Variants in VAV1 observed in about 807,000 individuals in gnomAD.
VAV1 encodes proto-oncogene vav.
A neutral mutation model predicts 128.1 loss-of-function variants in VAV1; 33 were observed. The ratio of observed to expected loss-of-function variants is 0.26; its 90% CI spans 0.20 to 0.34. VAV1 has a LOEUF of 0.34. Ranked by LOEUF, VAV1 falls within the 10% of genes least tolerant of loss-of-function variation. The probability of loss-of-function intolerance (pLI) is 1.00; values close to 1 mark genes in which losing one functional copy is unlikely to be tolerated. For synonymous variants in VAV1, 394 were observed against 409.8 expected (o/e 0.96, Z 0.47); for missense variants, 715 against 1,093.7 (o/e 0.65, Z 4.88).
At chr19:6,839,289 AG>A (rs1418718080) in intron 21 of VAV1, among the ~76,000 whole-genome samples, 1 of 151,802 alleles carries the variant, frequency 6.6e-6, no homozygotes, top group African/African-American at 2.4e-5. Flanking sequence ...CCTGGGCTCA[AG>A]CAATCCTCTC....
rs375047297 is a variant in VAV1, at chr19:6,804,746, C to T, written c.205-15956C>T. ...CCTCCTTTTTTTTTTTTTTTTGAGA[C>T]GGAGTCTTGCTCTGTCGCACAGGCT... On this transcript the variant is annotated intron_variant, in intron 1 of 26. Coordinates refer to ENST00000602142, the MANE Select transcript of VAV1 (RefSeq NM_005428.4). 6.8e-4 allele frequency among the ~76,000 whole-genome samples: 88 copies of T among 130,286 alleles called. 2 individuals carry two copies. Among genetic ancestry groups the T allele is most frequent in the East Asian group, 3.7e-3 (16 of 4,352 alleles). The allele number at this position is 130,286 out of a possible 152,430, so 85.5% of individuals were successfully genotyped here. A position where few individuals can be genotyped will look rare whatever the true frequency, so the allele number is the denominator to read the frequency against.
chr19:6,854,495 T>C (rs1005061263), intron 26 of VAV1, among the ~76,000 whole-genome samples: 1 of 152,154 alleles, frequency 6.6e-6, no homozygotes, highest in East Asian at 1.9e-4. Flanking sequence ...GGAGGATCTC[T>C]TGAGGCCACA....
chr19:6,833,900 C>A lies in VAV1; in HGVS notation c.1732-8C>A. The A allele has an allele frequency of 6.2e-7, 1 of 1,614,018 alleles. No homozygotes were observed. The highest frequency in any genetic ancestry group is 1.1e-5 in the South Asian group (1 of 91,052). On this transcript the variant is annotated splice_polypyrimidine_tract_variant and splice_region_variant and intron_variant, in intron 18 of 26. Transcript: ENST00000602142. ...AGGTAGACAGGCTTTCTTTGTTTCT[C>A]CTTCCAGGACAAACTACATCGCAGG...
At chr19:6,786,195 G>C (rs959579868) in intron 1 of VAV1, among the ~76,000 whole-genome samples, 1 of 142,024 alleles carries the variant, frequency 7.0e-6, no homozygotes, top group African/African-American at 2.8e-5. Flanking sequence ...CTGGCACATA[G>C]TACGGAATCA....
intron 1 of VAV1, among the ~76,000 whole-genome samples, chr19:6,789,906 T>C (rs1186363784): frequency 1.3e-5 from 2 of 152,212 alleles, no homozygotes; most frequent in Admixed American, 1.3e-4. Flanking sequence ...CCTTATTTTT[T>C]ATTTAATGAT....
chr19:6,813,402 A>G (rs1033687292), intron 1 of VAV1, among the ~76,000 whole-genome samples: 1 of 152,148 alleles, frequency 6.6e-6, no homozygotes, highest in Admixed American at 6.5e-5. Context: ...TGTTTCTTCC[A>G]CCCTGTTCTT....
chr19:6,849,741 C>T (rs770953265), intron 23 of VAV1, among the ~76,000 whole-genome samples: 13 of 152,156 alleles, frequency 8.5e-5, no homozygotes, highest in South Asian at 2.1e-4. Flanking sequence ...AGTGCATCCA[C>T]GCTGCTGCAA....
chr19:6,796,000 A>G (rs1011196988), intron 1 of VAV1, among the ~76,000 whole-genome samples: 4 of 152,086 alleles, frequency 2.6e-5, no homozygotes, highest in African/African-American at 9.7e-5. Context: ...TCTGAGATCA[A>G]GCCTAGATAT....
rs1323135939 is a variant in VAV1, at chr19:6,780,219, CCTCT to C, written c.204+7211_204+7214del. 4.7e-5 allele frequency among the ~76,000 whole-genome samples: 7 copies of C among 150,050 alleles called. 1 individual carries two copies. The highest frequency in any genetic ancestry group is 1.7e-4 in the African/African-American group (7 of 41,242). On this transcript the variant is annotated intron_variant, in intron 1 of 26. Transcript: ENST00000602142. ...GTGTGATCTTGGGCACATTAGTAAA[CCTCT>C]CTGTTTCCTGGTTTCTCATCTGTAA...
intron 6 of VAV1, among the ~76,000 whole-genome samples, chr19:6,823,139 T>G (rs1359889110): frequency 6.7e-6 from 1 of 149,738 alleles, no homozygotes; most frequent in African/African-American, 2.4e-5. Context: ...TCTTTTTTTT[T>G]TTTGAGACAC....
intron 6 of VAV1, among the ~76,000 whole-genome samples, chr19:6,824,005 A>G (rs12462866): frequency 0.019 from 2,813 of 150,258 alleles, 176 homozygotes; most frequent in East Asian, 0.17. Context: ...TGGCACGATC[A>G]TAGTTCACTG....
At chr19:6,773,221 G>A (rs888977655) in intron 1 of VAV1, among the ~76,000 whole-genome samples, 33 of 152,266 alleles carry the variant, frequency 2.2e-4, no homozygotes, top group Admixed American at 1.6e-3. Flanking sequence ...GTGGGTTCAC[G>A]GGCCCTGAGT....
chr19:6,823,858 C>A lies in VAV1; in HGVS notation c.655-1195C>A, dbSNP rs542564047. ...ACAGTTCAATGGTTTTTGGCACACACAAGATTATGCAGTCATCATCACTGT... is the reference window on the plus strand; with the variant it reads ...ACAGTTCAATGGTTTTTGGCACACAAAAGATTATGCAGTCATCATCACTGT... On this transcript the variant is annotated intron_variant, in intron 6 of 26. Coordinates refer to ENST00000602142, the MANE Select transcript of VAV1 (RefSeq NM_005428.4). Among the ~76,000 whole-genome samples, 10 of 152,276 alleles carry A rather than the reference C, an allele frequency of 6.6e-5. No homozygotes were observed. In the South Asian group the frequency reaches 2.1e-3, roughly 32 times the overall value.
In VAV1 at chr19:6,772,907, G is replaced by T; in HGVS notation, c.100G>T (p.Ala34Ser). ...GGATGGGGCTCAGGTGTGTGAACTGGCCCAGGCCCTCCGGGATGGTGTCCT... is the reference window on the plus strand; with the variant it reads ...GGATGGGGCTCAGGTGTGTGAACTGTCCCAGGCCCTCCGGGATGGTGTCCT... ...TWDGAQVCEL[A>S]QALRDGVLLC... is the part of the protein sequence containing the mutation. The change falls in exon 1 of 27, where the codon GCC becomes TCC. Residue 34 changes from alanine to serine, a missense_variant. By Grantham distance (99) the Ala-to-Ser change is moderately conservative. Transcript: ENST00000602142. The surrounding 1 kb of genome is among the most constrained non-coding windows in gnomAD (Gnocchi z 4.8). The T allele has an allele frequency of 6.2e-7, 1 of 1,614,150 alleles. No individual in the cohort carries two copies. The highest frequency in any genetic ancestry group is 8.5e-7 in the Non-Finnish European group (1 of 1,180,002).
intron 22 of VAV1, among the ~76,000 whole-genome samples, chr19:6,845,272 C>A (rs1972492040): frequency 6.6e-6 from 1 of 152,138 alleles, no homozygotes; most frequent in South Asian, 2.1e-4. Flanking sequence ...GTAGTCCCAG[C>A]TACTCAGGAG....
chr19:6,825,230 T>A, intron 7 of VAV1, 73 bp from the exon 8 acceptor site: 1 of 1,574,156 alleles, frequency 6.4e-7, no homozygotes. Flanking sequence ...ATGGGGCGGG[T>A]GGATGACCCT....
At chr19:6,797,230 TCAAA>T (rs1414510606) in intron 1 of VAV1, among the ~76,000 whole-genome samples, 2 of 32,652 alleles carry the variant, frequency 6.1e-5, no homozygotes, top group African/African-American at 3.8e-4. Context: ...AGACTCAGTA[TCAAA>T]AAAAAAAAAA....
rs191680931 is a variant in VAV1 at position 6,782,151 on chromosome 19, G to A, written c.204+9140G>A. On this transcript the variant is annotated intron_variant, in intron 1 of 26. Coordinates refer to ENST00000602142, the MANE Select transcript of VAV1 (RefSeq NM_005428.4). ...TCAAGACCAGCCTGTCCAACATGGC[G>A]AAAGCCCAACTCTACTACAAATACA... Among the ~76,000 whole-genome samples the A allele has an allele frequency of 2.0e-3, 300 of 152,026 alleles. 2 individuals are homozygous for A. Among genetic ancestry groups the A allele is most frequent in the South Asian group, 5.8e-3 (28 of 4,810 alleles).
chr19:6,850,225 GTTT>G (rs760967154), intron 23 of VAV1, among the ~76,000 whole-genome samples: 742 of 49,070 alleles, frequency 0.015, 18 homozygotes, highest in African/African-American at 0.08. Flanking sequence ...TTGTTTCTTT[GTTT>G]TTTTTTTTTT....
Sources: gnomAD v4.1 joint callset for allele counts (sites outside exome capture counted in the v4.1 genomes callset) on GRCh38, gnomAD v4.1.1 for gene constraint, Gnocchi (gnomAD v3.1) non-coding constraint, MANE v1.5 for transcripts, NCBI Gene and HGNC (gene_info 2026-07-23, HGNC 2026-07-21) for gene names.